The following CNTNAP2 variants were observed in gnomAD, a reference collection of about 807,000 sequenced individuals.
CNTNAP2 encodes contactin-associated protein-like 2.
CNTNAP2 carries 98 observed loss-of-function variants against 155.2 expected under a neutral mutation model. That is an observed-to-expected ratio of 0.63 (90% CI 0.54 to 0.75). The LOEUF is 0.75. Among genes scored for constraint, CNTNAP2 ranks in the 30% least tolerant of loss-of-function variants. The probability of loss-of-function intolerance (pLI) is 0.00; values close to 1 mark genes in which losing one functional copy is unlikely to be tolerated. For synonymous variants in CNTNAP2, 651 were observed against 631.2 expected, an observed-to-expected ratio of 1.03 and a Z score of -0.47; for missense variants, 1,727 against 1,688.1, an observed-to-expected ratio of 1.02 and a Z score of -0.40.
chr7:147,348,696 A>G (rs1254945645), intron 9 of CNTNAP2, among the ~76,000 whole-genome samples: 5 of 152,068 alleles, frequency 3.3e-5, no homozygotes, highest in Non-Finnish European at 7.4e-5. Flanking sequence ...CTACACCCCC[A>G]TGTTTATTGC....
intron 13 of CNTNAP2, among the ~76,000 whole-genome samples, chr7:147,650,689 A>C (rs1349968935): frequency 6.6e-6 from 1 of 152,176 alleles, no homozygotes; most frequent in Non-Finnish European, 1.5e-5. Flanking sequence ...TAAGGTTTCT[A>C]GTCAACAGTA....
chr7:148,194,560 C>T (rs1039260933), intron 18 of CNTNAP2, among the ~76,000 whole-genome samples: 4 of 152,004 alleles, frequency 2.6e-5, no homozygotes, highest in Non-Finnish European at 4.4e-5. Flanking sequence ...ATTATGGAGG[C>T]CAAGACAGTC....
chr7:147,925,770 A>G (rs565576030), intron 14 of CNTNAP2, among the ~76,000 whole-genome samples: 3 of 152,148 alleles, frequency 2.0e-5, no homozygotes, highest in African/African-American at 7.2e-5. Context: ...CATTCTGTGG[A>G]TTTTAACAAA....
intron 21 of CNTNAP2, among the ~76,000 whole-genome samples, chr7:148,324,346 C>A (rs1481476239): frequency 6.6e-6 from 1 of 152,174 alleles, no homozygotes. Context: ...TCCTGGCCTT[C>A]CTTGACCACT....
chr7:146,305,704 C>T (rs1800698628), intron 1 of CNTNAP2, among the ~76,000 whole-genome samples: 1 of 152,078 alleles, frequency 6.6e-6, no homozygotes. Flanking sequence ...CCAATGAGAA[C>T]AAAGACACAA....
intron 13 of CNTNAP2, among the ~76,000 whole-genome samples, chr7:147,644,042 T>C (rs1795326993): frequency 6.6e-6 from 1 of 152,180 alleles, no homozygotes; most frequent in Non-Finnish European, 1.5e-5. Flanking sequence ...ATTCTCGCAA[T>C]GTAACTGTTA....
chr7:147,141,414 C>T (rs1212782991), intron 8 of CNTNAP2, among the ~76,000 whole-genome samples: 1 of 152,116 alleles, frequency 6.6e-6, no homozygotes. Context: ...AGATTGCCTA[C>T]TGGCTATCAT....
chr7:147,412,818 G>A (rs1488075206), intron 10 of CNTNAP2, among the ~76,000 whole-genome samples: 1 of 152,156 alleles, frequency 6.6e-6, no homozygotes, highest in African/African-American at 2.4e-5. Context: ...TGGAAAAATG[G>A]ACTATATAAA....
At chr7:147,401,220 C>G (rs946557955) in intron 10 of CNTNAP2, among the ~76,000 whole-genome samples, 2 of 152,078 alleles carry the variant, frequency 1.3e-5, no homozygotes, top group African/African-American at 4.8e-5. Flanking sequence ...CATTTAGAAA[C>G]AAAATCAGTA....
chr7:147,014,737 G>T (rs529939300), intron 3 of CNTNAP2, among the ~76,000 whole-genome samples: 6 of 152,006 alleles, frequency 3.9e-5, no homozygotes, highest in Non-Finnish European at 7.4e-5. Context: ...CGGTTAATCC[G>T]GAGTGAAAGG....
intron 9 of CNTNAP2, among the ~76,000 whole-genome samples, chr7:147,351,151 A>G (rs1795962119): frequency 6.6e-6 from 1 of 151,852 alleles, no homozygotes; most frequent in Non-Finnish European, 1.5e-5. Context: ...TTGGTTGGGT[A>G]AAAGTCACTG....
chr7:147,074,992 A>G (rs926919627), intron 4 of CNTNAP2, among the ~76,000 whole-genome samples: 1 of 152,164 alleles, frequency 6.6e-6, no homozygotes, highest in African/African-American at 2.4e-5. Flanking sequence ...ATTGAGATTA[A>G]GATATAAGTG....
intron 3 of CNTNAP2, among the ~76,000 whole-genome samples, chr7:146,861,806 G>C (rs957146852): frequency 3.9e-5 from 6 of 152,076 alleles, no homozygotes; most frequent in African/African-American, 1.2e-4. Flanking sequence ...TAATTTGCTG[G>C]ATTTTGGAGC....
At chr7:148,087,210 G>A (rs1585118411) in intron 15 of CNTNAP2, among the ~76,000 whole-genome samples, 1 of 151,932 alleles carries the variant, frequency 6.6e-6, no homozygotes, top group East Asian at 1.9e-4. Context: ...TTATTATGTG[G>A]GGCCCCATGT....
At chr7:146,437,810 A>C (rs1303578619) in intron 1 of CNTNAP2, among the ~76,000 whole-genome samples, 1 of 151,526 alleles carries the variant, frequency 6.6e-6, no homozygotes, top group East Asian at 1.9e-4. Context: ...TTATGGCCAA[A>C]AAATGTGATC....
At chr7:146,562,009 C>G (rs1798287056) in intron 1 of CNTNAP2, among the ~76,000 whole-genome samples, 2 of 152,044 alleles carry the variant, frequency 1.3e-5, no homozygotes, top group Admixed American at 6.6e-5. Flanking sequence ...AGGCTGGTCT[C>G]AAATTCCTGG....
chr7:147,429,068 GCC>G (rs1348960904), intron 10 of CNTNAP2, among the ~76,000 whole-genome samples: 3 of 151,690 alleles, frequency 2.0e-5, no homozygotes, highest in African/African-American at 7.3e-5. Flanking sequence ...TAGAATGTTG[GCC>G]TCCATCTCCA....
chr7:147,004,815 G>C (rs763699053), intron 3 of CNTNAP2, among the ~76,000 whole-genome samples: 3 of 151,880 alleles, frequency 2.0e-5, no homozygotes, highest in Admixed American at 1.3e-4. Flanking sequence ...CTTCTCCAAG[G>C]CTACCTAGCT....
chr7:147,446,068 C>T (rs540565348), intron 10 of CNTNAP2, among the ~76,000 whole-genome samples: 2 of 151,968 alleles, frequency 1.3e-5, no homozygotes, highest in Non-Finnish European at 2.9e-5. Context: ...GAACAGTCCA[C>T]AAGATGTCAG....
Sources: gnomAD v4.1 joint callset for allele counts (sites outside exome capture counted in the v4.1 genomes callset) on GRCh38, gnomAD v4.1.1 for gene constraint, MANE v1.5 for transcripts, NCBI Gene and HGNC (gene_info 2026-07-23, HGNC 2026-07-21) for gene names.